HEATR5B: variants seen among roughly 807,000 people sequenced by gnomAD.
HEATR5B encodes HEAT repeat-containing protein 5B.
Under a neutral mutation model 224.1 loss-of-function variants are expected in HEATR5B, and 156 were observed. The ratio of observed to expected loss-of-function variants is 0.70; its 90% CI spans 0.61 to 0.80. HEATR5B has a LOEUF of 0.80. Ranked by LOEUF, HEATR5B falls within the 30% of genes least tolerant of loss-of-function variation. The probability of loss-of-function intolerance (pLI) is 0.00; values close to 1 mark genes in which losing one functional copy is unlikely to be tolerated. For missense variants in HEATR5B, 2,323 were observed against 2,535.5 expected, an observed-to-expected ratio of 0.92 and a Z score of 1.80; for synonymous variants, 1,027 against 893.0, an observed-to-expected ratio of 1.15 and a Z score of -2.68.
chr2:37,009,513 G>T (rs1366567438), intron 27 of HEATR5B, among the ~76,000 whole-genome samples: 2 of 151,864 alleles, frequency 1.3e-5, no homozygotes, highest in African/African-American at 2.4e-5. Flanking sequence ...GGAGTTCAAG[G>T]TTCCAGTGAG....
At chr2:37,001,879 C>T (rs1293695245) in intron 32 of HEATR5B, among the ~76,000 whole-genome samples, 1 of 152,150 alleles carries the variant, frequency 6.6e-6, no homozygotes, top group Non-Finnish European at 1.5e-5. Flanking sequence ...GTTGGTCAGG[C>T]TGGTCAGGAA....
intron 7 of HEATR5B, among the ~76,000 whole-genome samples, chr2:37,069,934 G>A (rs1468383954): frequency 7.3e-6 from 1 of 136,508 alleles, no homozygotes; most frequent in Non-Finnish European, 1.5e-5. Context: ...GTCTCGCTCT[G>A]TCACCCAGGT....
intron 24 of HEATR5B, among the ~76,000 whole-genome samples, chr2:37,026,363 T>G (rs1393275360): frequency 1.3e-5 from 2 of 152,208 alleles, no homozygotes; most frequent in East Asian, 3.9e-4. Context: ...GATAAACTTG[T>G]GTGATTTTAA....
intron 17 of HEATR5B, among the ~76,000 whole-genome samples, chr2:37,052,606 G>A (rs1300777378): frequency 1.3e-5 from 2 of 152,148 alleles, no homozygotes; most frequent in Admixed American, 6.5e-5. Context: ...TCACTTAAAG[G>A]AAGCACTTTA....
At chr2:37,045,696 T>C (rs554842401) in intron 18 of HEATR5B, among the ~76,000 whole-genome samples, 10 of 152,312 alleles carry the variant, frequency 6.6e-5, no homozygotes, top group African/African-American at 2.2e-4. Context: ...CTCCTCTCTG[T>C]TATTCCACCC....
rs559255012 is a variant in HEATR5B, at chr2:37,019,973, G to A, written c.4036-96C>T. 7.4e-4 allele frequency: 590 copies of A among 792,250 alleles called. 7 individuals carry two copies. The Admixed American group carries it at 7.8e-3, about 11-fold the overall frequency. 49.1% of individuals were successfully genotyped at this position (792,250 alleles called of 1,614,324 possible). ...GGCTGGAGTGCAGTGGTGCGATCTC[G>A]GCTCATTGCAACCTCTGCCTCGTAG... On this transcript the variant is annotated intron_variant, in intron 25 of 35. Transcript: ENST00000233099.
chr2:37,071,679 CTT>C (rs869279842), intron 6 of HEATR5B, among the ~76,000 whole-genome samples: 25 of 138,642 alleles, frequency 1.8e-4, no homozygotes, highest in African/African-American at 5.0e-4. Flanking sequence ...CATTTGGGTT[CTT>C]TTTTTTTTTT....
rs542102449 is a variant in HEATR5B at position 37,028,906 on chromosome 2, C to A, written c.3376G>T (p.Ala1126Ser). ...ESSSANVSPFAPGVSSRTDIH... is the reference protein window; with the variant it reads ...ESSSANVSPFSPGVSSRTDIH... Reference sequence around the variant, plus strand: ...TCAGTTCGAGAACTAACCCCAGGGGCAAAAGGACTGACATCTGAAAGGTAA... The same window carrying A: ...TCAGTTCGAGAACTAACCCCAGGGGAAAAAGGACTGACATCTGAAAGGTAA... The change falls in exon 23 of 36, where the codon GCC becomes TCC. Residue 1126 changes from alanine (A) to serine (S), a missense_variant. By Grantham distance (99) the Ala-to-Ser change is moderately conservative. Coordinates refer to ENST00000233099, the MANE Select transcript of HEATR5B (RefSeq NM_019024.3). 9.9e-6 allele frequency: 16 copies of A among 1,613,788 alleles called. No homozygotes were observed. The African/African-American group carries it at 1.7e-4, about 17-fold the overall frequency.
rs1415461830 is a variant in HEATR5B, at chr2:37,008,591, A to C, written c.4522+20T>G. The C allele has an allele frequency of 5.2e-6, 8 of 1,535,756 alleles. No individual in the cohort carries two copies. In the African/African-American group the frequency reaches 8.2e-5, roughly 16 times the overall value. On this transcript the variant is annotated intron_variant, in intron 28 of 35. Coordinates refer to ENST00000233099, the MANE Select transcript of HEATR5B (RefSeq NM_019024.3). ...CTACTTTGAACTCCATAAAAGTAAA[A>C]CTCAGAATGTAATACTCACCATCTG...
At chr2:37,017,371 C>T (rs912757112) in intron 26 of HEATR5B, among the ~76,000 whole-genome samples, 55 of 149,830 alleles carry the variant, frequency 3.7e-4, no homozygotes, top group Middle Eastern at 6.8e-3. Flanking sequence ...ACAGCCTGGG[C>T]AACAGAGGGA....
chr2:37,072,937 A>G (rs1671994411), intron 5 of HEATR5B, among the ~76,000 whole-genome samples: 1 of 152,232 alleles, frequency 6.6e-6, no homozygotes, highest in Admixed American at 6.5e-5. Flanking sequence ...ATAGCCCAGT[A>G]TCTATGTTAA....
rs1407351814 is a variant in HEATR5B at position 37,064,750 on chromosome 2, G to T, written c.1574C>A (p.Ala525Asp). The T allele has an allele frequency of 9.3e-6, 15 of 1,613,756 alleles. No individual in the cohort carries two copies. Among genetic ancestry groups the T allele is most frequent in the Non-Finnish European group, 1.3e-5 (15 of 1,179,974 alleles). Residue 525 changes from alanine (A) to aspartate (D), a missense_variant, in exon 10 of 36, where the codon GCC (alanine) becomes GAC (aspartate). By Grantham distance (126) the Ala-to-Asp change is moderately radical (BLOSUM62 -2). Transcript: ENST00000233099. Reference protein sequence around the residue: ...VHQCPLGIPHAKGKMVVSIAE... With the variant: ...VHQCPLGIPHDKGKMVVSIAE... ...GGATCTCCGTCATACCTTTCCTTTG[G>T]CATGAGGAATGCCCAAAGGACACTG...
At chr2:37,056,747 T>A (rs983942035) in intron 15 of HEATR5B, 132 bp from the exon 16 acceptor site, 17 of 721,392 alleles carry the variant, frequency 2.4e-5, no homozygotes, top group Middle Eastern at 4.1e-4. Flanking sequence ...GATCCGAACA[T>A]TTGAAAACAG....
intron 19 of HEATR5B, among the ~76,000 whole-genome samples, chr2:37,040,855 T>G (rs1464500470): frequency 6.7e-6 from 1 of 149,068 alleles, no homozygotes; most frequent in Non-Finnish European, 1.5e-5. Flanking sequence ...AGCTAACAAA[T>G]CTAAAGAAAT....
chr2:37,081,777 G>C (rs948291673), intron 2 of HEATR5B, among the ~76,000 whole-genome samples: 2 of 152,146 alleles, frequency 1.3e-5, no homozygotes, highest in Non-Finnish European at 2.9e-5. Flanking sequence ...GAGATGCAGT[G>C]AAAGTTCACA....
At chr2:37,057,608 A>G in intron 14 of HEATR5B, 128 bp from the exon 15 acceptor site, 1 of 572,312 alleles carries the variant, frequency 1.7e-6, no homozygotes, top group Non-Finnish European at 3.0e-6. Flanking sequence ...CTTCTTTAAA[A>G]AAAATCTATA....
At chr2:37,074,000 T>C (rs1468835396) in intron 5 of HEATR5B, among the ~76,000 whole-genome samples, 1 of 152,126 alleles carries the variant, frequency 6.6e-6, no homozygotes, top group Non-Finnish European at 1.5e-5. Flanking sequence ...AAACGGAGTT[T>C]AGTGAAGAAA....
At chr2:37,041,111 A>T in intron 19 of HEATR5B, 22 bp downstream of exon 19, 1 of 1,579,934 alleles carries the variant, frequency 6.3e-7, no homozygotes, top group Non-Finnish European at 8.6e-7. Context: ...CTTTTGTAAT[A>T]AAAAAACCAA....
Position 36,990,670 on chromosome 2 carries a change from G to A in HEATR5B, c.5675C>T (p.Ala1892Val). 1 of 1,593,986 alleles carries A rather than the reference G, an allele frequency of 6.3e-7. No individual in the cohort carries two copies. Among genetic ancestry groups the A allele is most frequent in the East Asian group, 2.2e-5 (1 of 44,578 alleles). ...QNGCMNRFKN[A>V]LNSCDPWVQA... ...TACCCATGGGTCGCATGAATTTAAT[G>A]CATTTTTAAATCTGTTCATGCAGCC... Residue 1892 changes from alanine (A) to valine (V), a missense_variant, in exon 34 of 36, where the codon GCA (alanine) becomes GTA (valine). Ala to Val is a moderately conservative substitution (Grantham distance 64). Around this residue, in one of 12 missense-constraint regions of HEATR5B, gnomAD observed 844 missense variants for 812.9 expected, o/e 1.04. Transcript: ENST00000233099.
Sources: gnomAD v4.1 joint callset for allele counts (sites outside exome capture counted in the v4.1 genomes callset) on GRCh38, gnomAD v4.1.1 for gene constraint, gnomAD v4.1.1 regional missense constraint, MANE v1.5 for transcripts, NCBI Gene and HGNC (gene_info 2026-07-23, HGNC 2026-07-21) for gene names.